MED9: variants seen among roughly 807,000 people sequenced by gnomAD.
MED9 encodes the protein mediator complex subunit 9, also known as mediator of RNA polymerase II transcription subunit 9.
Under a neutral mutation model 13.2 loss-of-function variants are expected in MED9, and 8 were observed. That is an observed-to-expected ratio of 0.61 (90% confidence interval 0.36 to 1.10). MED9 has a LOEUF of 1.10. Ranked by LOEUF, MED9 falls within the 50% of genes least tolerant of loss-of-function variation. The pLI is 0.02. For synonymous variants in MED9, 87 were observed against 82.8 expected (o/e 1.05, Z -0.28); for missense variants, 180 against 193.4 (o/e 0.93, Z 0.41).
In MED9 at chr17:17,491,598, A is replaced by G; in HGVS notation, c.*103A>G. 9.1e-7 allele frequency: 1 copy of G among 1,101,002 alleles called. No individual in the cohort carries two copies. Among genetic ancestry groups the G allele is most frequent in the South Asian group, 1.4e-5 (1 of 73,052 alleles). 68.2% of individuals were successfully genotyped at this position (1,101,002 alleles called of 1,614,324 possible). A position where few individuals can be genotyped will look rare whatever the true frequency, so the allele number is the denominator to read the frequency against. On this transcript the variant is annotated 3_prime_UTR_variant, in exon 2 of 2. Transcript: ENST00000268711. ...GCGTGGTTCCTGTGGACCCCAGCTCAGCTCGTCAAGCTGCAGGGGCGGGGC... is the reference window on the plus strand; with the variant it reads ...GCGTGGTTCCTGTGGACCCCAGCTCGGCTCGTCAAGCTGCAGGGGCGGGGC...
chr17:17,480,325 C>T (rs1905011910), intron 1 of MED9, among the ~76,000 whole-genome samples: 1 of 150,492 alleles, frequency 6.6e-6, no homozygotes, highest in Admixed American at 6.6e-5. Context: ...GGTGCGTGAC[C>T]AATTAAGAGA....
At position 17,491,635 on chromosome 17, in the gene MED9, TGC is replaced by T. The variant is rs1291554011; in HGVS notation, c.*147_*148del. 4.8e-6 allele frequency: 4 copies of T among 834,432 alleles called. No homozygotes were observed. Among genetic ancestry groups the T allele is most frequent in the South Asian group, 1.6e-5 (1 of 60,626 alleles). The allele number at this position is 834,432 out of a possible 1,614,324, so 51.7% of individuals were successfully genotyped here. On this transcript the variant is annotated 3_prime_UTR_variant, in exon 2 of 2. Coordinates refer to ENST00000268711, the MANE Select transcript of MED9 (RefSeq NM_018019.3). ...TGCAGGGGCGGGGCTCCTGTGCTGCTGCGCGCGCTTCGCCTGTGCGGGAGCCA... is the reference window on the plus strand; with the variant it reads ...TGCAGGGGCGGGGCTCCTGTGCTGCTGCGCGCTTCGCCTGTGCGGGAGCCA...
At chr17:17,484,601 A>G (rs1474407995) in intron 1 of MED9, among the ~76,000 whole-genome samples, 1 of 152,260 alleles carries the variant, frequency 6.6e-6, no homozygotes, top group East Asian at 1.9e-4. Context: ...CAGTTACTGC[A>G]GGCCTCTGCC....
chr17:17,486,354 G>A, intron 1 of MED9: 1 of 152,962 alleles, frequency 6.5e-6, no homozygotes, highest in Non-Finnish European at 1.5e-5. Flanking sequence ...GGTGTGGAGG[G>A]AGAGGCGCGA....
chr17:17,477,371 A>G (rs575462508), intron 1 of MED9, 106 bp downstream of exon 1: 1 of 1,258,350 alleles, frequency 7.9e-7, no homozygotes, highest in Non-Finnish European at 1.1e-6. Context: ...CCCCCGTTTC[A>G]CAGATGGGGA....
At chr17:17,485,112 C>T in intron 1 of MED9, 1 of 319,734 alleles carries the variant, frequency 3.1e-6, no homozygotes, top group Non-Finnish European at 5.6e-6. Flanking sequence ...TCACTTGAAT[C>T]ACTTGATTTC....
rs1202749829 is a variant in MED9, at chr17:17,477,084, G to A, written c.43G>A (p.Val15Ile). 2.5e-6 allele frequency: 4 copies of A among 1,607,202 alleles called. No homozygotes were observed. The East Asian group carries it at 6.7e-5, about 27-fold the overall frequency. ...GVAAGRQAED[V>I]LPPTSDQPLP... ...GGCAGCCGGGCGACAGGCGGAGGAT[G>A]TATTGCCGCCAACGTCCGACCAGCC... The change falls in exon 1 of 2, where the codon GTA (valine) becomes ATA (isoleucine). Residue 15 changes from valine (V) to isoleucine (I), a missense_variant. Coordinates refer to ENST00000268711, the MANE Select transcript of MED9 (RefSeq NM_018019.3).
rs560445959 is a variant in MED9 at position 17,491,000 on chromosome 17, A to G, written c.225-279A>G. On this transcript the variant is annotated intron_variant, in intron 1 of 1. Transcript: ENST00000268711. ...GGGAGACACCTGTGACCAGGCAGAC[A>G]TGGTCCTTGACCTCAGAGTGACAGT... Among the ~76,000 whole-genome samples, 321 of 152,302 alleles carry G rather than the reference A, an allele frequency of 2.1e-3. 2 individuals are homozygous for G. Among genetic ancestry groups the G allele is most frequent in the African/African-American group, 7.3e-3 (305 of 41,568 alleles).
intron 1 of MED9, chr17:17,477,801 A>G (rs1469982289): frequency 6.5e-6 from 1 of 153,018 alleles, no homozygotes; most frequent in Non-Finnish European, 1.5e-5. Flanking sequence ...GGGAAACATT[A>G]GACTAAGCAG....
chr17:17,477,342 C>G, intron 1 of MED9, 77 bp downstream of exon 1: 1 of 1,446,662 alleles, frequency 6.9e-7, no homozygotes, highest in Non-Finnish European at 9.2e-7. Flanking sequence ...TGCAAGAGGC[C>G]TTGGCGCTCT....
At position 17,491,274 on chromosome 17, in the gene MED9, C is replaced by T. The variant is rs1322984818; in HGVS notation, c.225-5C>T. 1.2e-6 allele frequency: 2 copies of T among 1,611,434 alleles called. No homozygotes were observed. Among genetic ancestry groups the T allele is most frequent in the Non-Finnish European group, 8.5e-7 (1 of 1,178,698 alleles). ...TGAATGCTAACAGCTGTTCTTCCCC[C>T]ACAGCATGGACAAGGACAGCCCGGA... On this transcript the variant is annotated splice_region_variant and splice_polypyrimidine_tract_variant and intron_variant, in intron 1 of 1. Coordinates refer to ENST00000268711, the MANE Select transcript of MED9 (RefSeq NM_018019.3).
rs1038250398 is a variant in MED9, at chr17:17,492,080, A to T, written c.*585A>T. 23 of 157,584 alleles carry T rather than the reference A, an allele frequency of 1.5e-4. No individual in the cohort carries two copies. The highest frequency in any genetic ancestry group is 5.5e-4 in the African/African-American group (23 of 41,470). 9.8% of individuals were successfully genotyped at this position (157,584 alleles called of 1,614,324 possible). On this transcript the variant is annotated 3_prime_UTR_variant, in exon 2 of 2. Transcript: ENST00000268711. ...TTCCCCAAACAGTTTGGTTCCTTTT[A>T]TGTTTGAGCCAGTGAAGGGAACTAC...
In MED9 at chr17:17,477,211, C is replaced by T; in HGVS notation, c.170C>T (p.Ala57Val). ...PAPRPQSPAR[A>V]REEENYSFLP... ...CCACGGCCTCAGTCACCTGCCCGCG[C>T]GAGGGAGGAAGAGAACTACTCCTTT... Residue 57 changes from alanine to valine, a missense_variant, in exon 1 of 2, where the codon GCG (alanine) becomes GTG (valine). Ala to Val is a moderately conservative substitution (Grantham distance 64, BLOSUM62 0). Coordinates refer to ENST00000268711, the MANE Select transcript of MED9 (RefSeq NM_018019.3). The T allele has an allele frequency of 1.2e-6, 2 of 1,610,484 alleles. No homozygotes were observed. The highest frequency in any genetic ancestry group is 1.7e-6 in the Non-Finnish European group (2 of 1,178,022).
At chr17:17,480,148 G>T (rs1045731178) in intron 1 of MED9, among the ~76,000 whole-genome samples, 27 of 152,150 alleles carry the variant, frequency 1.8e-4, no homozygotes, top group Non-Finnish European at 2.9e-4. Flanking sequence ...AAGCCAGAGA[G>T]TACCTTGACT....
chr17:17,485,594 AG>A (rs1354587408), intron 1 of MED9: 1 of 355,154 alleles, frequency 2.8e-6, no homozygotes, highest in Non-Finnish European at 5.0e-6. Flanking sequence ...CGTGGCCAGT[AG>A]AGTGTGTAGG....
At chr17:17,485,453 T>A in intron 1 of MED9, 1 of 389,766 alleles carries the variant, frequency 2.6e-6, no homozygotes, top group African/African-American at 2.1e-5. Context: ...GCAGAAGTGT[T>A]TCAGAAGAGG....
At chr17:17,480,782 A>G (rs1034379721) in intron 1 of MED9, among the ~76,000 whole-genome samples, 2 of 152,220 alleles carry the variant, frequency 1.3e-5, no homozygotes, top group Non-Finnish European at 2.9e-5. Flanking sequence ...GCAGCTGTAA[A>G]CATGAGAAGA....
At position 17,477,260 on chromosome 17, in the gene MED9, C is replaced by T; in HGVS notation, c.219C>T (p.Ile73=). The change falls in exon 1 of 2, where the codon ATC becomes ATT. Residue 73 remains isoleucine (I), a synonymous_variant. Coordinates refer to ENST00000268711, the MANE Select transcript of MED9 (RefSeq NM_018019.3). ...YSFLPLVHNI[I]KCMDKDSPEV... Reference sequence around the variant, plus strand: ...TTTTACCTTTGGTTCACAACATCATCAAATGGTAAGAACCTAGGAGAGGAC... The same window carrying T: ...TTTTACCTTTGGTTCACAACATCATTAAATGGTAAGAACCTAGGAGAGGAC... 6.3e-7 allele frequency: 1 copy of T among 1,593,904 alleles called. No individual in the cohort carries two copies. The highest frequency in any genetic ancestry group is 8.6e-7 in the Non-Finnish European group (1 of 1,168,444).
chr17:17,477,373 A>G (rs1597848436), intron 1 of MED9, 108 bp downstream of exon 1: 1 of 1,255,798 alleles, frequency 8.0e-7, no homozygotes, highest in Non-Finnish European at 1.1e-6. Context: ...CCCGTTTCAC[A>G]GATGGGGAAA....
Sources: gnomAD v4.1 joint callset for allele counts (sites outside exome capture counted in the v4.1 genomes callset) on GRCh38, gnomAD v4.1.1 for gene constraint, MANE v1.5 for transcripts, NCBI Gene and HGNC (gene_info 2026-07-23, HGNC 2026-07-21) for gene names.